Variants in ARNT observed in about 807,000 individuals in gnomAD.
The protein encoded by ARNT is aryl hydrocarbon receptor nuclear translocator.
A neutral mutation model predicts 105.0 loss-of-function variants in ARNT; 30 were observed. That is an observed-to-expected ratio of 0.29 (90% CI 0.21 to 0.39). The LOEUF (loss-of-function observed/expected upper bound fraction) is 0.39, where lower values mean the gene tolerates loss of function less well. ARNT is among the 10% of genes least tolerant of loss of function. The pLI, the probability that ARNT is intolerant of heterozygous loss-of-function variation, is 1.00. For synonymous variants in ARNT, 304 were observed against 344.0 expected, an observed-to-expected ratio of 0.88 and a Z score of 1.29; for missense variants, 748 against 978.7, an observed-to-expected ratio of 0.76 and a Z score of 3.15.
At chr1:150,829,838 C>T in intron 11 of ARNT, 66 bp downstream of exon 11, 1 of 1,508,614 alleles carries the variant, frequency 6.6e-7, no homozygotes, top group Non-Finnish European at 9.1e-7. Flanking sequence ...AGAAAATTAA[C>T]AGGAATGAGT....
intron 1 of ARNT, among the ~76,000 whole-genome samples, chr1:150,865,774 C>T (rs993596796): frequency 6.6e-6 from 1 of 152,116 alleles, no homozygotes; most frequent in African/African-American, 2.4e-5. Flanking sequence ...GTTATACTGC[C>T]TATTTCCTAT....
intron 5 of ARNT, 101 bp from the exon 6 acceptor site, chr1:150,839,755 G>A: frequency 2.4e-6 from 3 of 1,246,296 alleles, no homozygotes; most frequent in East Asian, 2.5e-5. Context: ...GAAGAATGTG[G>A]TATTCAGATT....
intron 14 of ARNT, 74 bp downstream of exon 14, chr1:150,823,120 T>G: frequency 7.3e-7 from 1 of 1,361,694 alleles, no homozygotes; most frequent in Non-Finnish European, 9.7e-7. Context: ...ACCCCCCACA[T>G]AGGGCATCAG....
In ARNT at chr1:150,823,200, T is replaced by C. The variant is rs770370352; in HGVS notation, c.1388A>G (p.Asn463Ser). ...EIEYIICTNT[N>S]VKNSSQEPRP... ...ACTCCTGTATAATACATACTTCACA[T>C]TGGTGTTGGTACAGATGATGTACTC... The change falls in exon 14 of 22, where the codon AAT becomes AGT. Residue 463 changes from asparagine to serine, a missense_variant. Asn to Ser is a conservative substitution (Grantham distance 46). Transcript: ENST00000358595. 13 of 1,604,706 alleles carry C rather than the reference T, an allele frequency of 8.1e-6. No individual in the cohort carries two copies. In the South Asian group the frequency reaches 1.1e-4, roughly 14 times the overall value.
chr1:150,872,219 A>G (rs1667572059), intron 1 of ARNT, among the ~76,000 whole-genome samples: 1 of 152,128 alleles, frequency 6.6e-6, no homozygotes. Flanking sequence ...CGGCCTCCCA[A>G]AGGGATTAGA....
intron 6 of ARNT, 93 bp from the exon 7 acceptor site, chr1:150,836,586 G>T: frequency 7.9e-7 from 1 of 1,269,906 alleles, no homozygotes; most frequent in Non-Finnish European, 1.1e-6. Flanking sequence ...CAGGCCACAT[G>T]CATCTCTCCG....
intron 1 of ARNT, among the ~76,000 whole-genome samples, chr1:150,873,397 G>A (rs1237611670): frequency 4.0e-5 from 6 of 151,766 alleles, no homozygotes; most frequent in African/African-American, 1.5e-4. Context: ...CTACTTGCCA[G>A]TGATAAGTAG....
At chr1:150,828,762 T>A (rs1189654359) in intron 12 of ARNT, among the ~76,000 whole-genome samples, 1 of 152,248 alleles carries the variant, frequency 6.6e-6, no homozygotes, top group Non-Finnish European at 1.5e-5. Flanking sequence ...CCATTATTCA[T>A]TTAGGTAATT....
At chr1:150,838,000 C>T (rs759359395) in intron 6 of ARNT, among the ~76,000 whole-genome samples, 1 of 152,134 alleles carries the variant, frequency 6.6e-6, no homozygotes, top group African/African-American at 2.4e-5. Context: ...TGTCACTGTC[C>T]TAGTCATCTT....
intron 1 of ARNT, among the ~76,000 whole-genome samples, chr1:150,862,740 C>T (rs962962382): frequency 3.2e-5 from 4 of 126,178 alleles, no homozygotes; most frequent in Non-Finnish European, 6.6e-5. Flanking sequence ...AAAAAAAGTT[C>T]ATACTTTTAG....
At chr1:150,819,197 G>A (rs1379668593) in intron 14 of ARNT, among the ~76,000 whole-genome samples, 3 of 150,820 alleles carry the variant, frequency 2.0e-5, no homozygotes, top group Non-Finnish European at 2.9e-5. Context: ...GTGGTAACCT[G>A]ACAATTGATA....
chr1:150,826,872 C>T (rs758606343), intron 12 of ARNT, among the ~76,000 whole-genome samples: 2 of 151,968 alleles, frequency 1.3e-5, no homozygotes, highest in Non-Finnish European at 2.9e-5. Context: ...GTCTCGAACT[C>T]CTGACCTCAA....
chr1:150,832,193 G>A, intron 9 of ARNT, 141 bp downstream of exon 9: 1 of 843,798 alleles, frequency 1.2e-6, no homozygotes, highest in South Asian at 1.6e-5. Flanking sequence ...AAAAGTAAGT[G>A]GGAGGTAAGG....
In ARNT at chr1:150,810,072, C is replaced by A. The variant is rs587705123; in HGVS notation, c.*1949G>T. On this transcript the variant is annotated 3_prime_UTR_variant, in exon 22 of 22. Coordinates refer to ENST00000358595, the MANE Select transcript of ARNT (RefSeq NM_001668.4). ...TGGAAAGGAATGATAAAGCCGCAAT[C>A]AAGATCACACAACACAAGAAATTTT... The A allele has an allele frequency of 4.3e-6, 1 of 229,970 alleles. No individual in the cohort carries two copies. Among genetic ancestry groups the A allele is most frequent in the South Asian group, 1.8e-4 (1 of 5,484 alleles). 14.2% of individuals were successfully genotyped at this position (229,970 alleles called of 1,614,324 possible). A position where few individuals can be genotyped will look rare whatever the true frequency, so the allele number is the denominator to read the frequency against.
At chr1:150,830,107 C>T in intron 10 of ARNT, 127 bp from the exon 11 acceptor site, 1 of 1,058,968 alleles carries the variant, frequency 9.4e-7, no homozygotes, top group Non-Finnish European at 1.4e-6. Context: ...GCCTGTAATC[C>T]CAACACTTTG....
chr1:150,814,874 A>G (rs922517943), intron 19 of ARNT, among the ~76,000 whole-genome samples: 8 of 152,182 alleles, frequency 5.3e-5, no homozygotes, highest in African/African-American at 1.9e-4. Flanking sequence ...TACCATATGC[A>G]GAGAAAAACT....
Position 150,811,620 on chromosome 1 carries a change from T to G in ARNT, c.*401A>C. 4.3e-6 allele frequency: 1 copy of G among 234,670 alleles called. No homozygotes were observed. Among genetic ancestry groups the G allele is most frequent in the Non-Finnish European group, 8.4e-6 (1 of 118,934 alleles). 14.5% of individuals were successfully genotyped at this position (234,670 alleles called of 1,614,324 possible). A position where few individuals can be genotyped will look rare whatever the true frequency, so the allele number is the denominator to read the frequency against. On this transcript the variant is annotated 3_prime_UTR_variant, in exon 22 of 22. Coordinates refer to ENST00000358595, the MANE Select transcript of ARNT (RefSeq NM_001668.4). ...CATGGTCCTCAAATATGAGGACATT[T>G]CTCCTCTCCTCCACTCTCTTCAGAA...
chr1:150,817,282 T>A, intron 16 of ARNT, 79 bp downstream of exon 16: 1 of 1,611,652 alleles, frequency 6.2e-7, no homozygotes, highest in Non-Finnish European at 8.5e-7. Flanking sequence ...ATACAACATA[T>A]GTACATTCTA....
chr1:150,825,567 T>C (rs1352418612), intron 13 of ARNT, among the ~76,000 whole-genome samples: 1 of 152,100 alleles, frequency 6.6e-6, no homozygotes, highest in Non-Finnish European at 1.5e-5. Context: ...AAGAACAGTC[T>C]AGGCTGGGCG....
Sources: gnomAD v4.1 joint callset for allele counts (sites outside exome capture counted in the v4.1 genomes callset) on GRCh38, gnomAD v4.1.1 for gene constraint, MANE v1.5 for transcripts, NCBI Gene and HGNC (gene_info 2026-07-23, HGNC 2026-07-21) for gene names.